Variants in FHIT observed in about 807,000 individuals in gnomAD.
FHIT encodes the protein fragile histidine triad diadenosine triphosphatase, also known as bis(5'-adenosyl)-triphosphatase.
FHIT carries 19 observed loss-of-function variants against 17.9 expected under a neutral mutation model. The observed-to-expected ratio is 1.06, with a 90% CI of 0.74 to 1.56. The LOEUF is 1.56. Among genes scored for constraint, FHIT ranks in the 40% most tolerant of loss-of-function variants. The pLI is 0.00. For synonymous variants in FHIT, 81 were observed against 69.7 expected (o/e 1.16, Z -0.81); for missense variants, 248 against 189.2 (o/e 1.31, Z -1.82).
At chr3:60,539,259 G>T (rs1361766279) in intron 4 of FHIT, among the ~76,000 whole-genome samples, 1 of 152,182 alleles carries the variant, frequency 6.6e-6, no homozygotes, top group Non-Finnish European at 1.5e-5. Flanking sequence ...TCTCACACCA[G>T]CTAGAATGGC....
At chr3:60,654,606 T>C (rs914873685) in intron 4 of FHIT, among the ~76,000 whole-genome samples, 3 of 151,960 alleles carry the variant, frequency 2.0e-5, no homozygotes, top group Admixed American at 6.6e-5. Context: ...AAACTTGAAA[T>C]ATATATTACA....
chr3:60,714,295 G>C (rs1423724366), intron 4 of FHIT, among the ~76,000 whole-genome samples: 1 of 151,920 alleles, frequency 6.6e-6, no homozygotes, highest in Non-Finnish European at 1.5e-5. Context: ...AAAATAATAA[G>C]AGCTATCTAT....
intron 5 of FHIT, among the ~76,000 whole-genome samples, chr3:60,271,526 G>C (rs923836067): frequency 6.6e-6 from 1 of 152,192 alleles, no homozygotes; most frequent in African/African-American, 2.4e-5. Flanking sequence ...TCATTAACAA[G>C]TTAGGAACTA....
At chr3:59,858,144 T>C (rs1702249408) in intron 8 of FHIT, among the ~76,000 whole-genome samples, 2 of 152,076 alleles carry the variant, frequency 1.3e-5, no homozygotes, top group Admixed American at 6.6e-5. Context: ...ATTCAACATA[T>C]GTGTGACTGC....
chr3:61,161,830 T>C (rs1227643404), intron 2 of FHIT, among the ~76,000 whole-genome samples: 2 of 152,190 alleles, frequency 1.3e-5, no homozygotes, highest in Non-Finnish European at 2.9e-5. Flanking sequence ...GAAATTGCCA[T>C]TTGGAACTCT....
chr3:61,125,877 T>C, intron 2 of FHIT, among the ~76,000 whole-genome samples: 1 of 152,174 alleles, frequency 6.6e-6, no homozygotes, highest in South Asian at 2.1e-4. Context: ...GTATCAATCA[T>C]TATAGTATGC....
intron 3 of FHIT, among the ~76,000 whole-genome samples, chr3:60,983,963 A>C (rs763392673): frequency 6.6e-6 from 1 of 152,240 alleles, no homozygotes; most frequent in Non-Finnish European, 1.5e-5. Flanking sequence ...TGATAAAGAC[A>C]AAAACAGTAT....
chr3:60,405,396 G>C (rs947020860), intron 5 of FHIT, among the ~76,000 whole-genome samples: 2 of 152,242 alleles, frequency 1.3e-5, no homozygotes, highest in South Asian at 4.2e-4. Context: ...GATACATGGG[G>C]GACTTTCCCG....
intron 5 of FHIT, among the ~76,000 whole-genome samples, chr3:60,471,116 C>A (rs1224055638): frequency 6.6e-6 from 1 of 152,172 alleles, no homozygotes; most frequent in Non-Finnish European, 1.5e-5. Flanking sequence ...TCTTTACTCT[C>A]TCCTCTCCTC....
intron 5 of FHIT, among the ~76,000 whole-genome samples, chr3:60,533,669 AG>A (rs372056301): frequency 5.5e-4 from 84 of 152,320 alleles, no homozygotes; most frequent in African/African-American, 2.0e-3. Flanking sequence ...AAGCATGGGG[AG>A]GAATCTCCAG....
intron 5 of FHIT, among the ~76,000 whole-genome samples, chr3:60,180,819 C>G (rs1048681236): frequency 6.6e-6 from 1 of 152,112 alleles, no homozygotes; most frequent in African/African-American, 2.4e-5. Context: ...TTCACCATCT[C>G]TAAATTACTG....
chr3:60,910,521 T>G (rs1044043024), intron 3 of FHIT, among the ~76,000 whole-genome samples: 1 of 151,776 alleles, frequency 6.6e-6, no homozygotes, highest in African/African-American at 2.4e-5. Context: ...ATGCCATTCT[T>G]CTGCCTCAGC....
intron 5 of FHIT, among the ~76,000 whole-genome samples, chr3:60,143,264 G>C (rs573098878): frequency 6.6e-6 from 1 of 152,220 alleles, no homozygotes; most frequent in East Asian, 1.9e-4. Flanking sequence ...GGCCTCTGGG[G>C]CCACACGTAT....
intron 2 of FHIT, among the ~76,000 whole-genome samples, chr3:61,113,142 T>C (rs2036208333): frequency 6.6e-6 from 1 of 152,022 alleles, no homozygotes; most frequent in South Asian, 2.1e-4. Context: ...TAACTGGGAC[T>C]ACAGGCGTGC....
In FHIT at chr3:60,577,803, G is replaced by C. The variant is rs185346206; in HGVS notation, c.-17-40824C>G. Among the ~76,000 whole-genome samples, 3 of 152,244 alleles carry C rather than the reference G, an allele frequency of 2.0e-5. No homozygotes were observed. The East Asian group carries it at 5.8e-4, about 29-fold the overall frequency. ...GAAGTTAGCTTTAAGAGCGACATTT[G>C]AATCATTAGATGCCTCATTGGCTGT... On this transcript the variant is annotated intron_variant, in intron 4 of 9. Transcript: ENST00000492590.
At position 59,946,786 on chromosome 3, in the gene FHIT, T is replaced by C. The variant is rs941512442; in HGVS notation, c.280-24372A>G. Among the ~76,000 whole-genome samples, 10 of 152,208 alleles carry C rather than the reference T, an allele frequency of 6.6e-5. No individual in the cohort carries two copies. In the South Asian group the frequency reaches 8.3e-4, roughly 13 times the overall value. On this transcript the variant is annotated intron_variant, in intron 7 of 9. Coordinates refer to ENST00000492590, the MANE Select transcript of FHIT (RefSeq NM_002012.4). ...TGAGATAATCATGTGGTTTTTGTTT[T>C]TAGTTCTGTTTTTGTGATGAATCAC... is the stretch of plus-strand genomic sequence containing the variant.
rs551128235 is a variant in FHIT at position 59,936,439 on chromosome 3, T to C, written c.280-14025A>G. ...ATGCACATTGCTTTACTGTTTGCTA[T>C]ACACATAATTACAGTTCTTTAATTT... On this transcript the variant is annotated intron_variant, in intron 7 of 9. Transcript: ENST00000492590. Among the ~76,000 whole-genome samples, 4 of 133,024 alleles carry C rather than the reference T, an allele frequency of 3.0e-5. No individual in the cohort carries two copies. The South Asian group carries it at 1.1e-3, about 36-fold the overall frequency. 87.3% of individuals were successfully genotyped at this position (133,024 alleles called of 152,430 possible).
chr3:59,815,063 T>C (rs1335063252), intron 8 of FHIT, among the ~76,000 whole-genome samples: 4 of 152,192 alleles, frequency 2.6e-5, no homozygotes, highest in African/African-American at 7.2e-5. Flanking sequence ...TTACATCACT[T>C]CACCTGCTTC....
At chr3:60,934,478 G>A (rs1485749017) in intron 3 of FHIT, among the ~76,000 whole-genome samples, 3 of 152,166 alleles carry the variant, frequency 2.0e-5, no homozygotes, top group African/African-American at 7.2e-5. Flanking sequence ...TGGACAGATG[G>A]TTATACCACC....
Sources: gnomAD v4.1 joint callset for allele counts (sites outside exome capture counted in the v4.1 genomes callset) on GRCh38, gnomAD v4.1.1 for gene constraint, MANE v1.5 for transcripts, NCBI Gene and HGNC (gene_info 2026-07-23, HGNC 2026-07-21) for gene names.